The following ABHD17C variants were observed in gnomAD, a reference collection of about 807,000 sequenced individuals.
ABHD17C encodes the protein alpha/beta hydrolase domain-containing protein 17C.
ABHD17C carries 11 observed loss-of-function variants against 27.9 expected under a neutral mutation model. The observed-to-expected ratio is 0.39, with a 90% confidence interval of 0.25 to 0.65. ABHD17C has a LOEUF of 0.65. Among genes scored for constraint, ABHD17C ranks in the 30% least tolerant of loss-of-function variants. ABHD17C has a pLI of 0.45. For synonymous variants in ABHD17C, 233 were observed against 209.1 expected, an observed-to-expected ratio of 1.11 and a Z score of -0.98; for missense variants, 280 against 470.2, an observed-to-expected ratio of 0.60 and a Z score of 3.74.
chr15:80,755,577 G>A lies in ABHD17C; in HGVS notation c.*1207G>A, dbSNP rs889983321. On this transcript the variant is annotated 3_prime_UTR_variant, in exon 3 of 3. Transcript: ENST00000258884. ...CCAGTTTGTGTACTGTTGCTTGGAT[G>A]CGGCACAGTGGTTGGTAATGGAATA... 8 of 152,172 alleles carry A rather than the reference G, an allele frequency of 5.3e-5. No individual in the cohort carries two copies. The highest frequency in any genetic ancestry group is 1.9e-4 in the African/African-American group (8 of 41,422). The allele number at this position is 152,172 out of a possible 1,614,324, so 9.4% of individuals were successfully genotyped here.
Position 80,695,759 on chromosome 15 carries a change from C to T in ABHD17C, c.330C>T (p.Phe110=), listed in dbSNP as rs1179146714. 6.5e-7 allele frequency: 1 copy of T among 1,538,300 alleles called. No individual in the cohort carries two copies. Among genetic ancestry groups the T allele is most frequent in the Non-Finnish European group, 8.7e-7 (1 of 1,148,574 alleles). ...SQRELDAVEV[F]FSRTARDNRL... The stretch of plus-strand genomic sequence containing the variant: ...GCGAGCTGGACGCCGTCGAGGTCTT[C>T]TTCTCGCGCACGGCCCGGGACAACC... The change falls in exon 1 of 3, where the codon TTC becomes TTT. Residue 110 remains phenylalanine (F), a synonymous_variant. Coordinates refer to ENST00000258884, the MANE Select transcript of ABHD17C (RefSeq NM_021214.2). The surrounding 1 kb of genome is among the most constrained non-coding windows in gnomAD (Gnocchi z 4.3).
chr15:80,726,791 C>T (rs553503281), intron 1 of ABHD17C, among the ~76,000 whole-genome samples: 36 of 152,316 alleles, frequency 2.4e-4, no homozygotes, highest in Non-Finnish European at 4.3e-4. Flanking sequence ...TCCCAAAGTG[C>T]TGGGATTACA....
intron 1 of ABHD17C, among the ~76,000 whole-genome samples, chr15:80,696,591 G>A (rs1038532350): frequency 6.6e-6 from 1 of 152,184 alleles, no homozygotes; most frequent in African/African-American, 2.4e-5. Context: ...GCAAAGTAGT[G>A]GCACTGTGGG....
intron 1 of ABHD17C, among the ~76,000 whole-genome samples, chr15:80,701,810 C>G (rs1894577062): frequency 6.6e-6 from 1 of 152,152 alleles, no homozygotes; most frequent in Admixed American, 6.5e-5. Context: ...GAATGTAACT[C>G]TTAAGAACAG....
intron 1 of ABHD17C, among the ~76,000 whole-genome samples, chr15:80,728,196 C>T (rs1449793657): frequency 6.6e-6 from 1 of 152,136 alleles, no homozygotes; most frequent in African/African-American, 2.4e-5. Context: ...CTGTTGTGTG[C>T]CACGTGCCTT....
chr15:80,749,981 C>G (rs549362766), intron 2 of ABHD17C, among the ~76,000 whole-genome samples: 1 of 152,294 alleles, frequency 6.6e-6, no homozygotes, highest in South Asian at 2.1e-4. Flanking sequence ...TTTAACAGCA[C>G]CCATACATCC....
chr15:80,745,646 C>T (rs571480316), intron 1 of ABHD17C, among the ~76,000 whole-genome samples: 77 of 151,922 alleles, frequency 5.1e-4, no homozygotes, highest in Non-Finnish European at 1.3e-4. Context: ...GGATTACAGG[C>T]GTGAGCCATC....
chr15:80,744,438 T>TA (rs1467936896), intron 1 of ABHD17C, among the ~76,000 whole-genome samples: 1 of 152,230 alleles, frequency 6.6e-6, no homozygotes, highest in Non-Finnish European at 1.5e-5. Context: ...AGAGGCCTCT[T>TA]ACTGTTCTAC....
intron 1 of ABHD17C, among the ~76,000 whole-genome samples, chr15:80,709,862 A>C (rs1894706756): frequency 6.6e-6 from 1 of 152,178 alleles, no homozygotes; most frequent in African/African-American, 2.4e-5. Flanking sequence ...CTGCCTGTTT[A>C]ACAAACATAT....
At chr15:80,701,426 C>T (rs1223910908) in intron 1 of ABHD17C, among the ~76,000 whole-genome samples, 1 of 151,956 alleles carries the variant, frequency 6.6e-6, no homozygotes, top group East Asian at 1.9e-4. Flanking sequence ...CAGCTGTAAT[C>T]CCAGCACTTT....
At chr15:80,700,518 TA>T (rs1253933401) in intron 1 of ABHD17C, among the ~76,000 whole-genome samples, 3 of 152,314 alleles carry the variant, frequency 2.0e-5, no homozygotes, top group South Asian at 2.1e-4. Context: ...GGGAAGAAGA[TA>T]AATAAGACTC....
chr15:80,736,135 A>G (rs1895126948), intron 1 of ABHD17C, among the ~76,000 whole-genome samples: 1 of 152,232 alleles, frequency 6.6e-6, no homozygotes, highest in East Asian at 1.9e-4. Context: ...TTTTATCCAC[A>G]TAGCACCAAA....
At chr15:80,713,900 CCACACACACACACACACACA>C in intron 1 of ABHD17C, among the ~76,000 whole-genome samples, 2 of 141,048 alleles carry the variant, frequency 1.4e-5, no homozygotes, top group East Asian at 4.1e-4. Context: ...CATATACAGA[CCACACACACACACACACACA>C]CACACACACA....
At chr15:80,724,988 A>G (rs1894952647) in intron 1 of ABHD17C, among the ~76,000 whole-genome samples, 1 of 152,242 alleles carries the variant, frequency 6.6e-6, no homozygotes, top group African/African-American at 2.4e-5. Flanking sequence ...TGTCTTCATT[A>G]TATAACCACT....
At chr15:80,711,096 A>G (rs1173202967) in intron 1 of ABHD17C, among the ~76,000 whole-genome samples, 1 of 152,248 alleles carries the variant, frequency 6.6e-6, no homozygotes, top group Non-Finnish European at 1.5e-5. Flanking sequence ...TTAAGCCAAA[A>G]ACAAACCTGA....
chr15:80,742,108 A>T (rs1003198560), intron 1 of ABHD17C, among the ~76,000 whole-genome samples: 2 of 152,182 alleles, frequency 1.3e-5, no homozygotes, highest in African/African-American at 4.8e-5. Context: ...GAAAAGCAAA[A>T]CCATGAATCT....
chr15:80,723,655 G>A (rs537032962), intron 1 of ABHD17C, among the ~76,000 whole-genome samples: 8 of 152,168 alleles, frequency 5.3e-5, no homozygotes, highest in Non-Finnish European at 1.2e-4. Context: ...TAGGTCAAGC[G>A]GATGTTTGCG....
In ABHD17C at chr15:80,695,507, G is replaced by T. The variant is rs1334892155; in HGVS notation, c.78G>T (p.Pro26=). 1 of 1,383,998 alleles carries T rather than the reference G, an allele frequency of 7.2e-7. No individual in the cohort carries two copies. Among genetic ancestry groups the T allele is most frequent in the Non-Finnish European group, 9.5e-7 (1 of 1,057,262 alleles). 85.7% of individuals were successfully genotyped at this position (1,383,998 alleles called of 1,614,324 possible). Residue 26 remains proline (P), a synonymous_variant, in exon 1 of 3, where the codon CCG becomes CCT. Coordinates refer to ENST00000258884, the MANE Select transcript of ABHD17C (RefSeq NM_021214.2). This position sits in a 1 kb window ranked among gnomAD's most constrained non-coding sequence, Gnocchi z 4.3. ...GGCTCTTCTGCTGCCCGCCCTGCCC[G>T]AGCCGCATCGCCGCCAAGCTGGCCT... is the stretch of plus-strand genomic sequence containing the variant. ...LCWLFCCPPC[P]SRIAAKLAFL...
At chr15:80,750,471 A>T (rs1242270965) in intron 2 of ABHD17C, among the ~76,000 whole-genome samples, 1 of 152,208 alleles carries the variant, frequency 6.6e-6, no homozygotes, top group Non-Finnish European at 1.5e-5. Flanking sequence ...GCCATTTTAT[A>T]AAAAAACCTC....
Sources: allele counts gnomAD v4.1 joint callset (sites outside exome capture counted in the v4.1 genomes callset), GRCh38; gene constraint gnomAD v4.1.1; non-coding constraint Gnocchi (gnomAD v3.1); transcripts MANE v1.5; gene names NCBI Gene and HGNC (gene_info 2026-07-23, HGNC 2026-07-21).